The following MGST1 variants were observed in gnomAD, a reference collection of about 807,000 sequenced individuals.
MGST1 encodes microsomal glutathione S-transferase 1.
MGST1 carries 5 observed loss-of-function variants against 8.9 expected under a neutral mutation model. That is an observed-to-expected ratio of 0.56 (90% CI 0.29 to 1.19). MGST1 has a LOEUF of 1.19. MGST1 is among the 50% of genes most tolerant of loss of function. The pLI, the probability that MGST1 is intolerant of heterozygous loss-of-function variation, is 0.08. For missense variants in MGST1, 182 were observed against 187.4 expected, an observed-to-expected ratio of 0.97 and a Z score of 0.17; for synonymous variants, 54 against 67.8, an observed-to-expected ratio of 0.80 and a Z score of 1.00.
chr12:16,377,319 C>T (rs773639545), downstream of MGST1: 1 of 131,570 alleles, frequency 7.6e-6, no homozygotes, highest in South Asian at 2.7e-4. Flanking sequence ...GCAACGGTCC[C>T]CAGTGTGTGA....
chr12:16,456,575 A>G (rs1565458377), intron 4 of MGST1, among the ~76,000 whole-genome samples: 1 of 151,960 alleles, frequency 6.6e-6, no homozygotes, highest in African/African-American at 2.4e-5. Flanking sequence ...GAACATCAGT[A>G]GTTATTTCTA....
At chr12:16,432,506 C>G (rs376046378) in intron 1 of MGST1, among the ~76,000 whole-genome samples, 1 of 151,978 alleles carries the variant, frequency 6.6e-6, no homozygotes, top group Non-Finnish European at 1.5e-5. Flanking sequence ...TTTTTTTCCT[C>G]TTGATTTCTC....
chr12:16,401,360 C>T lies in MGST1; in HGVS notation n.778+17756C>T. 1.7e-6 allele frequency: 2 copies of T among 1,209,752 alleles called. No homozygotes were observed. The highest frequency in any genetic ancestry group is 2.4e-6 in the Non-Finnish European group (2 of 816,588). The allele number at this position is 1,209,752 out of a possible 1,614,324, so 74.9% of individuals were successfully genotyped here. On this transcript the variant is annotated intron_variant and non_coding_transcript_variant, in intron 1 of 1. Transcript: ENST00000359720. The surrounding 1 kb of genome is among the most constrained non-coding windows in gnomAD (Gnocchi z 4.3). ...ATTACTAGGAAGCTTTCATGGAATT[C>T]AATTCCCACCCCAAATCCTAGGTTT...
At chr12:16,490,818 C>T (rs905627150) in intron 4 of MGST1, among the ~76,000 whole-genome samples, 5 of 152,030 alleles carry the variant, frequency 3.3e-5, no homozygotes, top group Non-Finnish European at 7.4e-5. Flanking sequence ...CCATCCATCC[C>T]GGGACACATG....
rs931198305 is a variant in MGST1 at position 16,513,852 on chromosome 12, G to A, written n.483-75676G>A. The A allele has an allele frequency of 3.3e-6, 2 of 610,642 alleles. No individual in the cohort carries two copies. Among genetic ancestry groups the A allele is most frequent in the Non-Finnish European group, 6.3e-6 (2 of 315,654 alleles). The allele number at this position is 610,642 out of a possible 1,614,324, so 37.8% of individuals were successfully genotyped here. A position where few individuals can be genotyped will look rare whatever the true frequency, so the allele number is the denominator to read the frequency against. ...TTAAGTTCAGCCAAGATGTCTTTCTGCCCAAACCAACCTGGGGAAGTCGCA... is the reference window on the plus strand; with the variant it reads ...TTAAGTTCAGCCAAGATGTCTTTCTACCCAAACCAACCTGGGGAAGTCGCA... On this transcript the variant is annotated intron_variant and non_coding_transcript_variant, in intron 4 of 4. Transcript: ENST00000538857. This position sits in a 1 kb window ranked among gnomAD's most constrained non-coding sequence, Gnocchi z 4.2.
intron 4 of MGST1, among the ~76,000 whole-genome samples, chr12:16,518,642 A>G (rs1033409484): frequency 5.3e-5 from 8 of 152,204 alleles, no homozygotes; most frequent in African/African-American, 1.9e-4. Flanking sequence ...TGTCCTTTAA[A>G]TGAATATAAC....
In MGST1 at chr12:16,400,853, A is replaced by G. The variant is rs567954405; in HGVS notation, n.778+17249A>G. The G allele has an allele frequency of 9.1e-5, 108 of 1,187,640 alleles. No homozygotes were observed. The African/African-American group carries it at 1.5e-3, about 17-fold the overall frequency. The allele number at this position is 1,187,640 out of a possible 1,614,324, so 73.6% of individuals were successfully genotyped here. A position where few individuals can be genotyped will look rare whatever the true frequency, so the allele number is the denominator to read the frequency against. ...ATCGATGTAGATCTTCATTTCCCCA[A>G]TATGTGGTTCCTTAGGCATCAGAGA... is the stretch of plus-strand genomic sequence containing the variant. On this transcript the variant is annotated intron_variant and non_coding_transcript_variant, in intron 1 of 1. Transcript: ENST00000359720.
rs549750933 is a variant in MGST1, at chr12:16,347,801, T to A, written c.-23+91T>A. On this transcript the variant is annotated intron_variant, in intron 1 of 3. Coordinates refer to ENST00000396210, the MANE Select transcript of MGST1 (RefSeq NM_020300.5). This position sits in a 1 kb window ranked among gnomAD's most constrained non-coding sequence, Gnocchi z 4.0. ...GTGGCAGATGGAAGACTTGGGGGGG[T>A]CTCTGCCAGCTGGAAGTGCTTGGCT... is the stretch of plus-strand genomic sequence containing the variant. 1 of 151,746 alleles carries A rather than the reference T, an allele frequency of 6.6e-6. No homozygotes were observed. The highest frequency in any genetic ancestry group is 2.1e-4 in the South Asian group (1 of 4,768). The allele number at this position is 151,746 out of a possible 1,614,324, so 9.4% of individuals were successfully genotyped here.
rs942258324 is a variant in MGST1, at chr12:16,559,961, A to C, written n.483-29567A>C. ...GGTGACAGAACCAGACCTTGTATTTAAAAAAGCAAAAACAAAAACATGAGG... is the reference window on the plus strand; with the variant it reads ...GGTGACAGAACCAGACCTTGTATTTCAAAAAGCAAAAACAAAAACATGAGG... On this transcript the variant is annotated intron_variant and non_coding_transcript_variant, in intron 4 of 4. Transcript: ENST00000538857. This position sits in a 1 kb window ranked among gnomAD's most constrained non-coding sequence, Gnocchi z 4.1. 9.2e-5 allele frequency among the ~76,000 whole-genome samples: 14 copies of C among 152,022 alleles called. No individual in the cohort carries two copies. Among genetic ancestry groups the C allele is most frequent in the African/African-American group, 3.4e-4 (14 of 41,342 alleles).
intron 4 of MGST1, among the ~76,000 whole-genome samples, chr12:16,459,089 T>C (rs541861357): frequency 6.6e-6 from 1 of 152,284 alleles, no homozygotes; most frequent in East Asian, 1.9e-4. Flanking sequence ...ACATTGGGAA[T>C]AAGATTTGTC....
intron 3 of MGST1, among the ~76,000 whole-genome samples, chr12:16,359,884 A>G (rs1044201957): frequency 2.6e-5 from 4 of 152,238 alleles, no homozygotes; most frequent in African/African-American, 9.6e-5. Flanking sequence ...TGGGGATTTT[A>G]GATTCCTCCC....
chr12:16,409,239 G>A (rs1940720657), intron 1 of MGST1, among the ~76,000 whole-genome samples: 1 of 151,950 alleles, frequency 6.6e-6, no homozygotes, highest in Admixed American at 6.6e-5. Flanking sequence ...GTTATCTGAG[G>A]TCTAGAGTTA....
At chr12:16,402,331 G>T in intron 1 of MGST1, 2 of 1,596,920 alleles carry the variant, frequency 1.3e-6, no homozygotes, top group Non-Finnish European at 1.7e-6. Flanking sequence ...ATGGCTCAAC[G>T]TTGGCATACT....
chr12:16,580,441 T>C lies in MGST1; in HGVS notation n.483-9087T>C, dbSNP rs139100865. Reference sequence around the variant, plus strand: ...TAAGTGAATGTCATGAAAATGACAATGTTCAAGATTAAGAGAAACTTCATA... The same window carrying C: ...TAAGTGAATGTCATGAAAATGACAACGTTCAAGATTAAGAGAAACTTCATA... On this transcript the variant is annotated intron_variant and non_coding_transcript_variant, in intron 4 of 4. Coordinates refer to the MGST1 transcript ENST00000538857. 5.3e-3 allele frequency among the ~76,000 whole-genome samples: 805 copies of C among 152,324 alleles called. 9 individuals are homozygous for C. Among genetic ancestry groups the C allele is most frequent in the African/African-American group, 0.019 (777 of 41,558 alleles).
chr12:16,384,447 A>G (rs1158835908), intron 1 of MGST1, among the ~76,000 whole-genome samples: 2 of 152,182 alleles, frequency 1.3e-5, no homozygotes, highest in Non-Finnish European at 2.9e-5. Flanking sequence ...ACAGATGCAG[A>G]GAGTGGGGTT....
intron 4 of MGST1, among the ~76,000 whole-genome samples, chr12:16,468,805 G>A (rs756983138): frequency 6.6e-6 from 1 of 152,258 alleles, no homozygotes; most frequent in Admixed American, 6.5e-5. Context: ...CCACCCTCTG[G>A]TGTTAGGACA....
At position 16,360,315 on chromosome 12, in the gene MGST1, T is replaced by TA. The variant is rs1386123245; in HGVS notation, c.221+2617dup. ...GTTACTTCAGTCATTGTAAAGCTGT[T>TA]ACGATTAGCATATTTGAACGGCAGA... On this transcript the variant is annotated intron_variant, in intron 3 of 3. Coordinates refer to ENST00000396210, the MANE Select transcript of MGST1 (RefSeq NM_020300.5). The TA allele has an allele frequency of 7.1e-6, 7 of 984,678 alleles. No individual in the cohort carries two copies. In the African/African-American group the frequency reaches 1.2e-4, roughly 17 times the overall value. 61.0% of individuals were successfully genotyped at this position (984,678 alleles called of 1,614,324 possible).
chr12:16,468,243 C>T (rs1941267252), intron 4 of MGST1, among the ~76,000 whole-genome samples: 1 of 152,186 alleles, frequency 6.6e-6, no homozygotes, highest in Admixed American at 6.5e-5. Flanking sequence ...GGCATCATAT[C>T]TAGGTCAAAA....
intron 4 of MGST1, among the ~76,000 whole-genome samples, chr12:16,468,985 TAGAC>T (rs1005631449): frequency 3.3e-5 from 5 of 152,186 alleles, no homozygotes; most frequent in Non-Finnish European, 7.3e-5. Context: ...TAGGGGATGG[TAGAC>T]AGACAAGGTA....
Sources: allele counts gnomAD v4.1 joint callset (sites outside exome capture counted in the v4.1 genomes callset), GRCh38; gene constraint gnomAD v4.1.1; non-coding constraint Gnocchi (gnomAD v3.1); transcripts MANE v1.5; gene names NCBI Gene and HGNC (gene_info 2026-07-23, HGNC 2026-07-21).